SSU72: variants seen among roughly 807,000 people sequenced by gnomAD.
SSU72 encodes the protein RNA polymerase II subunit A C-terminal domain phosphatase SSU72.
Under a neutral mutation model 22.7 loss-of-function variants are expected in SSU72, and 12 were observed. The observed-to-expected ratio is 0.53, with a 90% CI of 0.34 to 0.86. The LOEUF (loss-of-function observed/expected upper bound fraction) is 0.86. Among genes scored for constraint, SSU72 ranks in the 40% least tolerant of loss-of-function variants. The pLI is 0.02. For synonymous variants in SSU72, 116 were observed against 98.3 expected (o/e 1.18, Z -1.06); for missense variants, 151 against 249.8 (o/e 0.60, Z 2.67).
At chr1:1,566,337 T>C (rs1298390691) in intron 1 of SSU72, among the ~76,000 whole-genome samples, 1 of 152,198 alleles carries the variant, frequency 6.6e-6, no homozygotes, top group African/African-American at 2.4e-5. Context: ...TACTTATAAT[T>C]ACCTAAAAAA....
At chr1:1,562,004 T>C (rs1197303512) in intron 2 of SSU72, 3 of 152,286 alleles carry the variant, frequency 2.0e-5, no homozygotes, top group Non-Finnish European at 4.4e-5. Context: ...CACCAACCCC[T>C]ACAGTCCCTC....
chr1:1,563,925 G>C (rs1293910256), intron 2 of SSU72: 1 of 152,466 alleles, frequency 6.6e-6, no homozygotes, highest in African/African-American at 2.4e-5. Context: ...CAGAGATGCT[G>C]GTCAAGGGCG....
chr1:1,548,461 G>A (rs1570383261), intron 2 of SSU72, among the ~76,000 whole-genome samples: 2 of 152,140 alleles, frequency 1.3e-5, no homozygotes, highest in South Asian at 4.2e-4. Flanking sequence ...GGCTGAGGCA[G>A]GAGAATTGCT....
chr1:1,544,686 A>G, intron 3 of SSU72, 177 bp downstream of exon 3: 3 of 758,868 alleles, frequency 4.0e-6, no homozygotes, highest in South Asian at 1.5e-5. Context: ...CAGCCAGCAC[A>G]TGGGTGGTTC....
chr1:1,574,421 G>A lies in SSU72; in HGVS notation c.80+57C>T, dbSNP rs1032762399. ...GGCGCGGGCCAGGGGGAACCGGGGA[G>A]GAGGGAGGGCCGGTCGCCGGAGCAG... On this transcript the variant is annotated intron_variant, in intron 1 of 4. Coordinates refer to ENST00000291386, the MANE Select transcript of SSU72 (RefSeq NM_014188.3). 158 of 1,530,814 alleles carry A rather than the reference G, an allele frequency of 1.0e-4. 1 individual carries two copies. In the Admixed American group the frequency reaches 3.0e-3, roughly 29 times the overall value. The allele number at this position is 1,530,814 out of a possible 1,614,324, so 94.8% of individuals were successfully genotyped here. A position where few individuals can be genotyped will look rare whatever the true frequency, so the allele number is the denominator to read the frequency against.
intron 2 of SSU72, chr1:1,564,428 T>C: frequency 1.4e-6 from 2 of 1,443,572 alleles, no homozygotes; most frequent in Non-Finnish European, 9.1e-7. Context: ...GCAAAGGAAA[T>C]AACGGGGCAG....
chr1:1,564,376 T>C (rs1024513097), intron 2 of SSU72: 53 of 1,212,036 alleles, frequency 4.4e-5, no homozygotes, highest in Admixed American at 6.2e-5. Context: ...CCCGGCTCCA[T>C]GTGTATCAGG....
At chr1:1,557,927 C>T (rs1474038955) in intron 2 of SSU72, among the ~76,000 whole-genome samples, 1 of 152,118 alleles carries the variant, frequency 6.6e-6, no homozygotes, top group African/African-American at 2.4e-5. Context: ...ATTTAAAACA[C>T]AGGCCAGGTG....
chr1:1,552,995 T>A (rs1642470812), intron 2 of SSU72, among the ~76,000 whole-genome samples: 1 of 137,726 alleles, frequency 7.3e-6, no homozygotes, highest in Non-Finnish European at 1.5e-5. Flanking sequence ...CACTCCAGCC[T>A]GGGCGACAGA....
At position 1,564,315 on chromosome 1, in the gene SSU72, G is replaced by A. The variant is rs867818729; in HGVS notation, c.224+458C>T. Reference sequence around the variant, plus strand: ...TCTAACAGCTTGGTTAGCAAGCTCCGCCCTCTTCTTTATCTGACCTTCTAA... The same window carrying A: ...TCTAACAGCTTGGTTAGCAAGCTCCACCCTCTTCTTTATCTGACCTTCTAA... On this transcript the variant is annotated intron_variant, in intron 2 of 4. Coordinates refer to ENST00000291386, the MANE Select transcript of SSU72 (RefSeq NM_014188.3). The A allele has an allele frequency of 8.6e-5, 54 of 625,436 alleles. 1 individual carries two copies. Among genetic ancestry groups the A allele is most frequent in the African/African-American group, 3.5e-4 (19 of 54,334 alleles). 38.7% of individuals were successfully genotyped at this position (625,436 alleles called of 1,614,324 possible). A position where few individuals can be genotyped will look rare whatever the true frequency, so the allele number is the denominator to read the frequency against.
intron 1 of SSU72, among the ~76,000 whole-genome samples, chr1:1,568,577 G>A (rs773606101): frequency 2.0e-5 from 3 of 151,950 alleles, no homozygotes; most frequent in Non-Finnish European, 2.9e-5. Flanking sequence ...CTGCACTCCC[G>A]CCTGGGTGAC....
rs925745289 is a variant in SSU72, at chr1:1,554,436, A to G, written c.225-9434T>C. Among the ~76,000 whole-genome samples the G allele has an allele frequency of 1.3e-5, 2 of 152,160 alleles. No homozygotes were observed. The highest frequency in any genetic ancestry group is 4.8e-5 in the African/African-American group (2 of 41,416). Reference sequence around the variant, plus strand: ...CTCGCTGACCACCCACACCCATTTGATGTGGTTGCTCTCAGGATAAACCAC... The same window carrying G: ...CTCGCTGACCACCCACACCCATTTGGTGTGGTTGCTCTCAGGATAAACCAC... On this transcript the variant is annotated intron_variant, in intron 2 of 4. Coordinates refer to ENST00000291386, the MANE Select transcript of SSU72 (RefSeq NM_014188.3). This position sits in a 1 kb window ranked among gnomAD's most constrained non-coding sequence, Gnocchi z 4.1.
chr1:1,551,868 C>T (rs932826252), intron 2 of SSU72, among the ~76,000 whole-genome samples: 102 of 152,314 alleles, frequency 6.7e-4, no homozygotes, highest in African/African-American at 2.3e-3. Context: ...GCCACCACTA[C>T]CTTTCCCAAC....
At chr1:1,572,960 C>A (rs1171186825) in intron 1 of SSU72, among the ~76,000 whole-genome samples, 1 of 151,178 alleles carries the variant, frequency 6.6e-6, no homozygotes, top group East Asian at 1.9e-4. Flanking sequence ...AATGAAGATC[C>A]AGCACAATGT....
chr1:1,542,268 A>T lies in SSU72; in HGVS notation c.484-101T>A. 1.7e-6 allele frequency: 2 copies of T among 1,162,970 alleles called. No individual in the cohort carries two copies. Among genetic ancestry groups the T allele is most frequent in the Non-Finnish European group, 2.5e-6 (2 of 807,374 alleles). The allele number at this position is 1,162,970 out of a possible 1,614,324, so 72.0% of individuals were successfully genotyped here. On this transcript the variant is annotated intron_variant, in intron 4 of 4. Coordinates refer to ENST00000291386, the MANE Select transcript of SSU72 (RefSeq NM_014188.3). The surrounding 1 kb of genome is among the most constrained non-coding windows in gnomAD (Gnocchi z 4.4). ...GAAACGCCAGGCCTGAGCCAGCAGA[A>T]ACCAGCGCAGCAGGCAGGCCCTCAC...
Position 1,544,004 on chromosome 1 carries a change from G to C in SSU72, c.365-17C>G. 1 of 1,593,468 alleles carries C rather than the reference G, an allele frequency of 6.3e-7. No individual in the cohort carries two copies. Among genetic ancestry groups the C allele is most frequent in the Non-Finnish European group, 8.6e-7 (1 of 1,162,946 alleles). ...AATTCAGATCTGATTGGGACAAGGT[G>C]ACACAGACGTCAGAGGCTCCAAAAC... On this transcript the variant is annotated splice_polypyrimidine_tract_variant and intron_variant, in intron 3 of 4. Transcript: ENST00000291386.
rs1642333915 is a variant in SSU72 at position 1,542,425 on chromosome 1, TGA to T, written c.484-260_484-259del. 6.6e-6 allele frequency among the ~76,000 whole-genome samples: 1 copy of T among 152,140 alleles called. No individual in the cohort carries two copies. The highest frequency in any genetic ancestry group is 1.5e-5 in the Non-Finnish European group (1 of 68,034). On this transcript the variant is annotated intron_variant, in intron 4 of 4. Transcript: ENST00000291386. The surrounding 1 kb of genome is among the most constrained non-coding windows in gnomAD (Gnocchi z 4.4). ...CTGGGAGGAGCCTGGAGCTGGATTC[TGA>T]GAGGGGCCCAGCACGGAGACCTGGC...
In SSU72 at chr1:1,574,593, G is replaced by A. The variant is rs1327415460; in HGVS notation, c.-36C>T. On this transcript the variant is annotated 5_prime_UTR_variant, in exon 1 of 5. Transcript: ENST00000291386. ...GCAAATCCCGCGGCTCTCCCGCTTGGGTTCCCACCCTACCGCGGCGCTTCC... is the reference window on the plus strand; with the variant it reads ...GCAAATCCCGCGGCTCTCCCGCTTGAGTTCCCACCCTACCGCGGCGCTTCC... 1.9e-6 allele frequency: 3 copies of A among 1,562,056 alleles called. No homozygotes were observed. Among genetic ancestry groups the A allele is most frequent in the East Asian group, 2.6e-5 (1 of 38,776 alleles).
intron 1 of SSU72, 151 bp from the exon 2 acceptor site, chr1:1,565,067 T>C: frequency 8.6e-7 from 1 of 1,166,940 alleles, no homozygotes; most frequent in Non-Finnish European, 1.2e-6. Context: ...AGGCCGGGCA[T>C]GGTGGCTCGC....
Sources: allele counts gnomAD v4.1 joint callset (sites outside exome capture counted in the v4.1 genomes callset), GRCh38; gene constraint gnomAD v4.1.1; non-coding constraint Gnocchi (gnomAD v3.1); transcripts MANE v1.5; gene names NCBI Gene and HGNC (gene_info 2026-07-23, HGNC 2026-07-21).